The following EDIL3 variants were observed in gnomAD, a reference collection of about 807,000 sequenced individuals.
EDIL3 encodes the protein EGF like and discoidin domains 3.
A neutral mutation model predicts 67.4 loss-of-function variants in EDIL3; 37 were observed. The observed-to-expected ratio is 0.55, with a 90% CI of 0.42 to 0.72. EDIL3 has a LOEUF of 0.72. Ranked by LOEUF, EDIL3 falls within the 30% of genes least tolerant of loss-of-function variation. The pLI is 0.00. For synonymous variants in EDIL3, 195 were observed against 196.3 expected (o/e 0.99, Z 0.05); for missense variants, 527 against 586.3 (o/e 0.90, Z 1.04).
chr5:83,991,509 A>G (rs1345503097), intron 9 of EDIL3, among the ~76,000 whole-genome samples: 1 of 152,114 alleles, frequency 6.6e-6, no homozygotes, highest in Non-Finnish European at 1.5e-5. Context: ...TCAATTCCAC[A>G]TGAACTTTTT....
intron 3 of EDIL3, among the ~76,000 whole-genome samples, chr5:84,182,112 C>T (rs1749023339): frequency 6.6e-6 from 1 of 151,964 alleles, no homozygotes; most frequent in African/African-American, 2.4e-5. Flanking sequence ...AATGACTCCT[C>T]CTGCATGGGT....
chr5:84,367,899 T>C (rs1225407076), intron 1 of EDIL3, among the ~76,000 whole-genome samples: 3 of 152,216 alleles, frequency 2.0e-5, no homozygotes, highest in Admixed American at 1.3e-4. Flanking sequence ...TTGATCACTG[T>C]AATTTTGGCA....
intron 4 of EDIL3, among the ~76,000 whole-genome samples, chr5:84,138,321 C>A (rs1356352474): frequency 6.6e-6 from 1 of 152,112 alleles, no homozygotes; most frequent in African/African-American, 2.4e-5. Context: ...TATATTTAGC[C>A]CCTTTCACCT....
chr5:84,305,178 A>C (rs1746239885), intron 1 of EDIL3, among the ~76,000 whole-genome samples: 1 of 152,226 alleles, frequency 6.6e-6, no homozygotes, highest in Non-Finnish European at 1.5e-5. Flanking sequence ...TAATTAAATA[A>C]CCCAGATTTC....
chr5:84,123,277 A>C (rs1254627688), intron 5 of EDIL3, among the ~76,000 whole-genome samples: 9 of 151,974 alleles, frequency 5.9e-5, no homozygotes, highest in African/African-American at 2.2e-4. Flanking sequence ...TATAAATTTC[A>C]AAATTTTAAG....
intron 9 of EDIL3, among the ~76,000 whole-genome samples, chr5:84,011,674 C>T (rs138132692): frequency 2.6e-5 from 4 of 152,286 alleles, no homozygotes; most frequent in Non-Finnish European, 4.4e-5. Flanking sequence ...GACTTTCTCG[C>T]ACTGCTCTGG....
At chr5:84,128,031 G>T (rs1277169075) in intron 5 of EDIL3, among the ~76,000 whole-genome samples, 2 of 152,116 alleles carry the variant, frequency 1.3e-5, no homozygotes, top group Non-Finnish European at 2.9e-5. Flanking sequence ...GAAGAAGATT[G>T]CTTTGAAGGT....
chr5:84,184,614 G>C (rs140515667), intron 3 of EDIL3, among the ~76,000 whole-genome samples: 55 of 152,280 alleles, frequency 3.6e-4, no homozygotes, highest in Middle Eastern at 3.4e-3. Context: ...TATTGATGTG[G>C]CTTATCCTGG....
intron 6 of EDIL3, among the ~76,000 whole-genome samples, chr5:84,084,566 T>C (rs935893833): frequency 6.6e-6 from 1 of 152,188 alleles, no homozygotes; most frequent in Non-Finnish European, 1.5e-5. Flanking sequence ...CATTACAACT[T>C]ATTTTTCCAG....
chr5:84,375,141 T>C (rs567804476), intron 1 of EDIL3, among the ~76,000 whole-genome samples: 3 of 151,998 alleles, frequency 2.0e-5, no homozygotes, highest in Non-Finnish European at 2.9e-5. Context: ...CCAGCTATTT[T>C]TTGTATTTTT....
chr5:84,384,093 A>G (rs1297467254), intron 1 of EDIL3, among the ~76,000 whole-genome samples: 2 of 151,398 alleles, frequency 1.3e-5, no homozygotes, highest in African/African-American at 4.9e-5. Flanking sequence ...TCACCCCGGT[A>G]CCCCGCACCC....
In EDIL3 at chr5:84,369,172, T is replaced by C. The variant is rs901204030; in HGVS notation, c.67+15136A>G. ...AGGGATACTTGTGAAGCCATGTTCA[T>C]AGCAGCATTATTCACAATAGCAAAA... On this transcript the variant is annotated intron_variant, in intron 1 of 10. Coordinates refer to ENST00000296591, the MANE Select transcript of EDIL3 (RefSeq NM_005711.5). Among the ~76,000 whole-genome samples, 4 of 151,672 alleles carry C rather than the reference T, an allele frequency of 2.6e-5. No homozygotes were observed. In the East Asian group the frequency reaches 7.7e-4, roughly 29 times the overall value.
chr5:84,086,144 C>T (rs545015170), intron 6 of EDIL3, among the ~76,000 whole-genome samples: 1 of 152,304 alleles, frequency 6.6e-6, no homozygotes, highest in East Asian at 1.9e-4. Flanking sequence ...TCTCTGGCTT[C>T]AGCCCCCTTT....
chr5:83,970,643 GTATATATATA>G (rs70975530), intron 9 of EDIL3, among the ~76,000 whole-genome samples: 24,597 of 115,870 alleles, frequency 0.21, 2,535 homozygotes, highest in Admixed American at 0.24. Context: ...TAGGATCACA[GTATATATATA>G]TATATATATA....
chr5:84,200,721 T>C (rs1292834942), intron 3 of EDIL3, among the ~76,000 whole-genome samples: 1 of 152,050 alleles, frequency 6.6e-6, no homozygotes, highest in African/African-American at 2.4e-5. Context: ...TTATATTCAG[T>C]CCAAATTTGG....
At chr5:84,152,979 CAG>C (rs1369399984) in intron 4 of EDIL3, among the ~76,000 whole-genome samples, 2 of 152,008 alleles carry the variant, frequency 1.3e-5, no homozygotes, top group Non-Finnish European at 2.9e-5. Context: ...TATGAAAATA[CAG>C]AGGTTACTGT....
chr5:84,028,105 T>A (rs1745850447), intron 9 of EDIL3, among the ~76,000 whole-genome samples: 1 of 152,308 alleles, frequency 6.6e-6, no homozygotes, highest in African/African-American at 2.4e-5. Context: ...TGAAATGTAA[T>A]AATCGGCCTC....
At chr5:84,326,232 A>G (rs1746754447) in intron 1 of EDIL3, among the ~76,000 whole-genome samples, 1 of 152,070 alleles carries the variant, frequency 6.6e-6, no homozygotes, top group Non-Finnish European at 1.5e-5. Flanking sequence ...CCTAGCTTCC[A>G]AAACTGTAAG....
At chr5:84,179,563 C>T (rs1271439482) in intron 4 of EDIL3, among the ~76,000 whole-genome samples, 1 of 152,180 alleles carries the variant, frequency 6.6e-6, no homozygotes, top group Non-Finnish European at 1.5e-5. Context: ...CCAGCTTTGC[C>T]TTATCGTTCT....
Sources: gnomAD v4.1 joint callset for allele counts (sites outside exome capture counted in the v4.1 genomes callset) on GRCh38, gnomAD v4.1.1 for gene constraint, MANE v1.5 for transcripts, NCBI Gene and HGNC (gene_info 2026-07-23, HGNC 2026-07-21) for gene names.